The following ERO1B variants were observed in gnomAD, a reference collection of about 807,000 sequenced individuals.
ERO1B encodes ERO1-like protein beta.
Under a neutral mutation model 75.3 loss-of-function variants are expected in ERO1B, and 49 were observed. That is an observed-to-expected ratio of 0.65 (90% confidence interval 0.52 to 0.83). ERO1B has a LOEUF of 0.83. ERO1B is among the 40% of genes least tolerant of loss of function. The probability of loss-of-function intolerance (pLI) is 0.00; values close to 1 mark genes in which losing one functional copy is unlikely to be tolerated. For missense variants in ERO1B, 512 were observed against 560.1 expected (o/e 0.91, Z 0.87); for synonymous variants, 191 against 192.9 (o/e 0.99, Z 0.08).
At chr1:236,221,276 A>C (rs1572027679) in intron 14 of ERO1B, among the ~76,000 whole-genome samples, 2 of 152,186 alleles carry the variant, frequency 1.3e-5, no homozygotes, top group East Asian at 3.8e-4. Context: ...GTAACCATAA[A>C]GGACTTTTTA....
At chr1:236,220,660 C>T (rs1664115033) in intron 15 of ERO1B, 172 bp downstream of exon 15, 1 of 501,458 alleles carries the variant, frequency 2.0e-6, no homozygotes. Context: ...TTCCTATGAC[C>T]TGTAGAGAAA....
At chr1:236,236,522 C>T in intron 6 of ERO1B, 124 bp from the exon 7 acceptor site, 1 of 983,454 alleles carries the variant, frequency 1.0e-6, no homozygotes, top group East Asian at 2.7e-5. Flanking sequence ...TAATCTCCAA[C>T]TTAAATGGTA....
chr1:236,278,420 T>C (rs1279977197), intron 1 of ERO1B, among the ~76,000 whole-genome samples: 2 of 151,664 alleles, frequency 1.3e-5, no homozygotes, highest in Admixed American at 1.3e-4. Context: ...AAACGAGAAA[T>C]GAATTATGGT....
chr1:236,220,835 C>G lies in ERO1B; in HGVS notation c.1340G>C (p.Gly447Ala). 1 of 1,582,610 alleles carries G rather than the reference C, an allele frequency of 6.3e-7. No homozygotes were observed. Among genetic ancestry groups the G allele is most frequent in the Non-Finnish European group, 8.6e-7 (1 of 1,168,668 alleles). ...TTCAACATATAATGGTTCTTACCTTCCAAAAGCATTTAAAAGAGCAACTAT... is the reference window on the plus strand; with the variant it reads ...TTCAACATATAATGGTTCTTACCTTGCAAAAGCATTTAAAAGAGCAACTAT... ...QEIVALLNAF[G>A]RLSTSIRDLQ... The change falls in exon 15 of 16, where the codon GGA becomes GCA. Residue 447 changes from glycine to alanine, a missense_variant. Physicochemically the swap from Gly to Ala is moderately conservative, Grantham distance 60. Transcript: ENST00000354619.
intron 1 of ERO1B, among the ~76,000 whole-genome samples, chr1:236,279,843 C>CA (rs60949594): frequency 0.01 from 1,416 of 135,280 alleles, 25 homozygotes; most frequent in Middle Eastern, 0.038. Context: ...GACACTATCT[C>CA]AAAAAAAAAA....
At chr1:236,275,410 T>C (rs1026171612) in intron 1 of ERO1B, among the ~76,000 whole-genome samples, 4 of 152,324 alleles carry the variant, frequency 2.6e-5, no homozygotes, top group Non-Finnish European at 4.4e-5. Flanking sequence ...TTATAAAGGA[T>C]ACAACTCAGT....
chr1:236,266,340 A>C (rs1410155439), intron 2 of ERO1B, among the ~76,000 whole-genome samples: 1 of 152,236 alleles, frequency 6.6e-6, no homozygotes, highest in Non-Finnish European at 1.5e-5. Context: ...ATGGTGGCTC[A>C]CGCCTGTAAT....
chr1:236,232,690 TG>T (rs397983349), intron 9 of ERO1B, 137 bp downstream of exon 9: 3 of 555,634 alleles, frequency 5.4e-6, no homozygotes, highest in East Asian at 6.8e-5. Flanking sequence ...TTTTTTTTTT[TG>T]GTCACCATTC....
chr1:236,247,049 A>G (rs1664901049), intron 5 of ERO1B, among the ~76,000 whole-genome samples: 1 of 152,190 alleles, frequency 6.6e-6, no homozygotes, highest in Non-Finnish European at 1.5e-5. Context: ...AAAAAATGAC[A>G]AAGAATATAA....
At chr1:236,224,155 A>T (rs1664222966) in intron 13 of ERO1B, among the ~76,000 whole-genome samples, 3 of 152,120 alleles carry the variant, frequency 2.0e-5, no homozygotes, top group Admixed American at 1.3e-4. Flanking sequence ...TACCAAGCAG[A>T]ATTTGAAAAC....
At chr1:236,257,025 G>T (rs986263196) in intron 2 of ERO1B, among the ~76,000 whole-genome samples, 1 of 152,188 alleles carries the variant, frequency 6.6e-6, no homozygotes, top group African/African-American at 2.4e-5. Context: ...CAGCTTCTCT[G>T]CAAGGAAAGA....
chr1:236,280,069 G>A (rs373935991), intron 1 of ERO1B, among the ~76,000 whole-genome samples: 42 of 152,268 alleles, frequency 2.8e-4, no homozygotes, highest in African/African-American at 8.7e-4. Context: ...TAAGAGGCTC[G>A]CTGGAGGCCA....
intron 14 of ERO1B, 87 bp from the exon 15 acceptor site, chr1:236,221,052 G>T: frequency 9.8e-7 from 1 of 1,015,886 alleles, no homozygotes; most frequent in Non-Finnish European, 1.3e-6. Context: ...CCACTGTTAT[G>T]CCAGTTAGGA....
intron 1 of ERO1B, 103 bp downstream of exon 1, chr1:236,281,579 G>GGCCCGGCCCT (rs11281666): frequency 0.59 from 364,077 of 617,442 alleles, 114,377 homozygotes; most frequent in East Asian, 0.83. Context: ...CCTCTTTTCT[G>GGCCCGGCCCT]GCCCGGCCCT....
At position 236,236,784 on chromosome 1, in the gene ERO1B, C is replaced by G. The variant is rs574924006; in HGVS notation, c.506-386G>C. 2.6e-5 allele frequency among the ~76,000 whole-genome samples: 4 copies of G among 152,248 alleles called. No individual in the cohort carries two copies. In the East Asian group the frequency reaches 7.7e-4, roughly 29 times the overall value. On this transcript the variant is annotated intron_variant, in intron 6 of 15. Coordinates refer to ENST00000354619, the MANE Select transcript of ERO1B (RefSeq NM_019891.4). ...TATGATTTCTTCTCTAAGAATATATCCACCTAACCACGCACTTGGAAACAT... is the reference window on the plus strand; with the variant it reads ...TATGATTTCTTCTCTAAGAATATATGCACCTAACCACGCACTTGGAAACAT...
chr1:236,227,714 TTTTC>T (rs995189859), intron 10 of ERO1B, among the ~76,000 whole-genome samples: 5 of 152,232 alleles, frequency 3.3e-5, no homozygotes, highest in Admixed American at 2.0e-4. Context: ...GAGTATGTGG[TTTTC>T]TTTGTGTCTA....
chr1:236,279,667 G>GAA (rs61064721), intron 1 of ERO1B, among the ~76,000 whole-genome samples: 6 of 64,470 alleles, frequency 9.3e-5, no homozygotes, highest in African/African-American at 3.2e-4. Context: ...TGTCTACTGG[G>GAA]AAAAAAAAAA....
In ERO1B at chr1:236,216,805, T is replaced by G. The variant is rs942951057; in HGVS notation, c.*1711A>C. On this transcript the variant is annotated 3_prime_UTR_variant, in exon 16 of 16. Coordinates refer to ENST00000354619, the MANE Select transcript of ERO1B (RefSeq NM_019891.4). ...AATACTAAGAATAATTCTTACTAAT[T>G]TACTAGTTAAATTAATTGGATAGTC... is the stretch of plus-strand genomic sequence containing the variant. 5.3e-5 allele frequency: 8 copies of G among 152,032 alleles called. No homozygotes were observed. Among genetic ancestry groups the G allele is most frequent in the African/African-American group, 1.9e-4 (8 of 41,422 alleles). 9.4% of individuals were successfully genotyped at this position (152,032 alleles called of 1,614,324 possible). A position where few individuals can be genotyped will look rare whatever the true frequency, so the allele number is the denominator to read the frequency against.
At chr1:236,226,142 T>C in intron 12 of ERO1B, 127 bp downstream of exon 12, 1 of 885,086 alleles carries the variant, frequency 1.1e-6, no homozygotes, top group Non-Finnish European at 1.7e-6. Flanking sequence ...GTTCTATTGA[T>C]CACTTTCCTT....
Sources: gnomAD v4.1 joint callset for allele counts (sites outside exome capture counted in the v4.1 genomes callset) on GRCh38, gnomAD v4.1.1 for gene constraint, MANE v1.5 for transcripts, NCBI Gene and HGNC (gene_info 2026-07-23, HGNC 2026-07-21) for gene names.